Variants in MTMR12 observed in about 807,000 individuals in gnomAD.
MTMR12 encodes the protein myotubularin-related protein 12.
In MTMR12, 33 loss-of-function variants were observed where a neutral mutation model predicts 96.7. That is an observed-to-expected ratio of 0.34 (90% CI 0.26 to 0.46). The LOEUF is 0.46. MTMR12 is among the 20% of genes least tolerant of loss of function. MTMR12 has a pLI of 1.00. For synonymous variants in MTMR12, 298 were observed against 327.2 expected (o/e 0.91, Z 0.96); for missense variants, 721 against 896.1 (o/e 0.80, Z 2.49).
rs368075004 is a variant in MTMR12, at chr5:32,299,966, G to A, written c.81+12792C>T. ...ACACAGCTTTTGCATAAGACCAGAT[G>A]CTGCCTTGGGTTCTGCAGTGGGTCT... On this transcript the variant is annotated intron_variant, in intron 1 of 15. Transcript: ENST00000382142. 3.9e-5 allele frequency among the ~76,000 whole-genome samples: 6 copies of A among 152,198 alleles called. No homozygotes were observed. In the East Asian group the frequency reaches 1.2e-3, roughly 29 times the overall value.
Position 32,242,097 on chromosome 5 carries a change from T to C in MTMR12, c.1131A>G (p.Thr377=), listed in dbSNP as rs1477676372. 1.9e-6 allele frequency: 3 copies of C among 1,613,168 alleles called. No individual in the cohort carries two copies. The South Asian group carries it at 3.3e-5, about 18-fold the overall frequency. Residue 377 remains threonine (T), a synonymous_variant, in exon 12 of 16, where the codon ACA becomes ACG. Transcript: ENST00000382142. ...RRCLKKAIEI[T]ECMEAQNMNV... The stretch of plus-strand genomic sequence containing the variant: ...TCATGTTTTGTGCTTCCATACATTC[T>C]GTAATCTCTATTGCTTTTTTCAGGC...
chr5:32,234,914 G>A (rs760682220), intron 14 of MTMR12, 48 bp downstream of exon 14: 1 of 1,518,780 alleles, frequency 6.6e-7, no homozygotes, highest in Admixed American at 1.8e-5. Flanking sequence ...CATCCTACTT[G>A]TGAGAAGAAG....
intron 6 of MTMR12, among the ~76,000 whole-genome samples, chr5:32,266,310 T>C (rs143738229): frequency 4.7e-4 from 71 of 152,320 alleles, no homozygotes; most frequent in African/African-American, 1.7e-3. Context: ...AAGCAGTCAA[T>C]ACATATTTAC....
In MTMR12 at chr5:32,235,132, G is replaced by C; in HGVS notation, c.1345-3C>G. ...AGGAAAAGCAGGAACACAGGAACCT[G>C]CATGAAAACAAGATACGTTACTTGG... On this transcript the variant is annotated splice_region_variant and splice_polypyrimidine_tract_variant and intron_variant, in intron 13 of 15. Transcript: ENST00000382142. The C allele has an allele frequency of 6.2e-7, 1 of 1,610,474 alleles. No individual in the cohort carries two copies. Among genetic ancestry groups the C allele is most frequent in the Non-Finnish European group, 8.5e-7 (1 of 1,178,606 alleles).
chr5:32,237,177 TG>T, intron 13 of MTMR12, among the ~76,000 whole-genome samples: 1 of 152,362 alleles, frequency 6.6e-6, no homozygotes, highest in African/African-American at 2.4e-5. Context: ...GCTGACTACC[TG>T]GAGTATGAAA....
intron 13 of MTMR12, among the ~76,000 whole-genome samples, chr5:32,237,211 A>G (rs1320960454): frequency 6.6e-6 from 1 of 152,246 alleles, no homozygotes; most frequent in African/African-American, 2.4e-5. Flanking sequence ...CACTGCTAGC[A>G]TACGTCAGCG....
chr5:32,260,512 T>C (rs956465121), intron 7 of MTMR12, among the ~76,000 whole-genome samples: 8 of 151,842 alleles, frequency 5.3e-5, no homozygotes, highest in East Asian at 1.9e-4. Flanking sequence ...TGGGAACTTA[T>C]GTTAGTATCA....
At chr5:32,304,014 T>G (rs1751253657) in intron 1 of MTMR12, among the ~76,000 whole-genome samples, 1 of 152,016 alleles carries the variant, frequency 6.6e-6, no homozygotes, top group South Asian at 2.1e-4. Context: ...GGCTATAAAT[T>G]TTTACACAAT....
At chr5:32,274,998 CA>C (rs898017831) in intron 2 of MTMR12, among the ~76,000 whole-genome samples, 24 of 151,642 alleles carry the variant, frequency 1.6e-4, no homozygotes, top group Admixed American at 2.6e-4. Flanking sequence ...GCAACAACAA[CA>C]AAAAAAACCC....
chr5:32,244,600 A>G (rs1206945435), intron 10 of MTMR12, among the ~76,000 whole-genome samples: 1 of 152,190 alleles, frequency 6.6e-6, no homozygotes, highest in African/African-American at 2.4e-5. Context: ...TCAAGAAAAA[A>G]AGAAAAAAAA....
At position 32,228,556 on chromosome 5, in the gene MTMR12, G is replaced by GAT. The variant is rs201902531; in HGVS notation, c.*1220_*1221dup. 3.2e-4 allele frequency: 39 copies of GAT among 122,758 alleles called. No individual in the cohort carries two copies. Among genetic ancestry groups the GAT allele is most frequent in the African/African-American group, 5.5e-4 (17 of 30,944 alleles). The allele number at this position is 122,758 out of a possible 1,614,324, so 7.6% of individuals were successfully genotyped here. A position where few individuals can be genotyped will look rare whatever the true frequency, so the allele number is the denominator to read the frequency against. ...TATGATATATATATCATATATATGT[G>GAT]ATATATATATATCATATATATATCA... is the stretch of plus-strand genomic sequence containing the variant. On this transcript the variant is annotated 3_prime_UTR_variant, in exon 16 of 16. Coordinates refer to ENST00000382142, the MANE Select transcript of MTMR12 (RefSeq NM_001040446.3).
At chr5:32,286,885 T>G (rs972025362) in intron 1 of MTMR12, among the ~76,000 whole-genome samples, 1 of 152,178 alleles carries the variant, frequency 6.6e-6, no homozygotes, top group Non-Finnish European at 1.5e-5. Context: ...TTTTATTCAC[T>G]GAATGATCAT....
intron 5 of MTMR12, among the ~76,000 whole-genome samples, chr5:32,270,204 CA>C (rs936827550): frequency 1.0e-4 from 14 of 137,972 alleles, no homozygotes; most frequent in South Asian, 6.9e-4. Flanking sequence ...GACTCGGTCT[CA>C]AAAAAAAAAG....
rs769373857 is a variant in MTMR12, at chr5:32,248,851, T to G, written c.817A>C (p.Ser273Arg). ...AGTGCTGACATTTTCAAAAGGGCAC[T>G]TCCATTGTGGCAGGACCAACACCAT... ...PIWCWSCHNG[S>R]ALLKMSALPK... is the part of the protein sequence containing the mutation. Residue 273 changes from serine (S) to arginine (R), a missense_variant, in exon 9 of 16, where the codon AGT becomes CGT. Coordinates refer to ENST00000382142, the MANE Select transcript of MTMR12 (RefSeq NM_001040446.3). The G allele has an allele frequency of 1.9e-5, 31 of 1,614,124 alleles. No individual in the cohort carries two copies. The highest frequency in any genetic ancestry group is 2.5e-5 in the Non-Finnish European group (30 of 1,179,982).
rs150088029 is a variant in MTMR12, at chr5:32,310,774, TAA to T, written c.81+1982_81+1983del. 7.3e-3 allele frequency among the ~76,000 whole-genome samples: 1,117 copies of T among 152,222 alleles called. 16 individuals are homozygous for T. Among genetic ancestry groups the T allele is most frequent in the African/African-American group, 0.025 (1,057 of 41,538 alleles). On this transcript the variant is annotated intron_variant, in intron 1 of 15. Coordinates refer to ENST00000382142, the MANE Select transcript of MTMR12 (RefSeq NM_001040446.3). ...AATAATTGTATATTTTATAATAACT[TAA>T]AGAGTATAATTGGATAGTGTGTAAC...
rs1747940213 is a variant in MTMR12 at position 32,230,245 on chromosome 5, T to C, written c.1777A>G (p.Lys593Glu). ...TDHLIKNLLG[K>E]RISKLINSSD... ...GAATTAATAAGTTTGCTAATTCTCTTGCCCAGAAGGTTTTTAATTAAATGA... is the reference window on the plus strand; with the variant it reads ...GAATTAATAAGTTTGCTAATTCTCTCGCCCAGAAGGTTTTTAATTAAATGA... The change falls in exon 16 of 16, where the codon AAG becomes GAG. Residue 593 changes from lysine to glutamate, a missense_variant. Lys to Glu is a moderately conservative substitution (Grantham distance 56, BLOSUM62 1). Transcript: ENST00000382142. 3 of 1,614,120 alleles carry C rather than the reference T, an allele frequency of 1.9e-6. No individual in the cohort carries two copies. The highest frequency in any genetic ancestry group is 2.5e-6 in the Non-Finnish European group (3 of 1,180,038).
Position 32,230,458 on chromosome 5 carries a change from T to C in MTMR12, c.1675-111A>G, listed in dbSNP as rs1747953128. 3 of 1,045,718 alleles carry C rather than the reference T, an allele frequency of 2.9e-6. No homozygotes were observed. In the South Asian group the frequency reaches 4.8e-5, roughly 17 times the overall value. The allele number at this position is 1,045,718 out of a possible 1,614,324, so 64.8% of individuals were successfully genotyped here. On this transcript the variant is annotated intron_variant, in intron 15 of 15. Coordinates refer to ENST00000382142, the MANE Select transcript of MTMR12 (RefSeq NM_001040446.3). ...CTGCTTTAACAAGTTCCAAGAGACA[T>C]CAGTGTTGCCATGTGAATGCACACT...
At chr5:32,237,065 C>G (rs1209417067) in intron 13 of MTMR12, among the ~76,000 whole-genome samples, 6 of 152,132 alleles carry the variant, frequency 3.9e-5, no homozygotes, top group Admixed American at 3.9e-4. Context: ...TGAGAGAGAC[C>G]TGGATCACCC....
At chr5:32,261,866 A>T (rs1432732316) in intron 7 of MTMR12, among the ~76,000 whole-genome samples, 1 of 152,204 alleles carries the variant, frequency 6.6e-6, no homozygotes, top group African/African-American at 2.4e-5. Flanking sequence ...AGGTCAGGAG[A>T]TCAAGACCAT....
Sources: allele counts gnomAD v4.1 joint callset (sites outside exome capture counted in the v4.1 genomes callset), GRCh38; gene constraint gnomAD v4.1.1; transcripts MANE v1.5; gene names NCBI Gene and HGNC (gene_info 2026-07-23, HGNC 2026-07-21).